The following DLGAP2 variants were observed in gnomAD, a reference collection of about 807,000 sequenced individuals.
DLGAP2 encodes the protein disks large-associated protein 2.
Under a neutral mutation model 100.3 loss-of-function variants are expected in DLGAP2, and 26 were observed. The observed-to-expected ratio is 0.26, with a 90% CI of 0.19 to 0.36. The LOEUF (loss-of-function observed/expected upper bound fraction) is 0.36, where lower values mean the gene tolerates loss of function less well. Among genes scored for constraint, DLGAP2 ranks in the 10% least tolerant of loss-of-function variants. The pLI is 1.00. For missense variants in DLGAP2, 1,858 were observed against 1,453.2 expected, an observed-to-expected ratio of 1.28 and a Z score of -4.53; for synonymous variants, 886 against 630.1, an observed-to-expected ratio of 1.41 and a Z score of -6.08.
intron 2 of DLGAP2, among the ~76,000 whole-genome samples, chr8:1,041,071 G>A (rs1269038220): frequency 6.6e-6 from 1 of 152,174 alleles, no homozygotes; most frequent in South Asian, 2.1e-4. Context: ...ACCAGAAATG[G>A]TGCAGACTGC....
chr8:997,841 T>A (rs1050111849), intron 2 of DLGAP2, among the ~76,000 whole-genome samples: 1 of 151,096 alleles, frequency 6.6e-6, no homozygotes, highest in African/African-American at 2.4e-5. Context: ...CGCATACACG[T>A]GTGCATACAT....
chr8:1,579,802 G>C (rs1292954160), intron 6 of DLGAP2, among the ~76,000 whole-genome samples: 1 of 152,202 alleles, frequency 6.6e-6, no homozygotes, highest in African/African-American at 2.4e-5. Flanking sequence ...GCGTGACACG[G>C]TACATTGCCT....
intron 3 of DLGAP2, among the ~76,000 whole-genome samples, chr8:1,358,185 T>C (rs970764251): frequency 4.6e-5 from 7 of 152,190 alleles, no homozygotes; most frequent in South Asian, 4.1e-4. Flanking sequence ...TGAAAAGTTA[T>C]TCAAAAGGAT....
intron 2 of DLGAP2, among the ~76,000 whole-genome samples, chr8:931,422 C>G (rs1010015066): frequency 4.6e-5 from 7 of 152,356 alleles, no homozygotes; most frequent in East Asian, 3.9e-4. Flanking sequence ...GGAACATGTT[C>G]TAGAAAAAGC....
At chr8:1,233,798 A>G (rs1272374213) in intron 2 of DLGAP2, among the ~76,000 whole-genome samples, 1 of 152,240 alleles carries the variant, frequency 6.6e-6, no homozygotes, top group African/African-American at 2.4e-5. Flanking sequence ...TTGAAAATAT[A>G]AAATGTACCT....
rs574914955 is a variant in DLGAP2, at chr8:1,646,142, G to C, written c.1810+13096G>C. ...GGTTAGCATTTGGAGGGGTGGACGA[G>C]GTGAAGCAGATGCTTTCCCCAGTGT... On this transcript the variant is annotated intron_variant, in intron 8 of 14. Coordinates refer to ENST00000637795, the MANE Select transcript of DLGAP2 (RefSeq NM_001346810.2). Among the ~76,000 whole-genome samples the C allele has an allele frequency of 7.3e-4, 111 of 152,232 alleles. 1 individual carries two copies. The highest frequency in any genetic ancestry group is 2.5e-3 in the African/African-American group (103 of 41,548).
Position 1,317,061 on chromosome 8 carries a change from A to C in DLGAP2, c.106+58178A>C, listed in dbSNP as rs865976201. Among the ~76,000 whole-genome samples the C allele has an allele frequency of 2.8e-3, 265 of 96,322 alleles. 5 individuals carry two copies. The highest frequency in any genetic ancestry group is 0.018 in the Middle Eastern group (2 of 112). The allele number at this position is 96,322 out of a possible 152,430, so 63.2% of individuals were successfully genotyped here. Reference sequence around the variant, plus strand: ...GCGTGTGCGAGTGCAGCGTCTCTCCAACAGTGGTCTACACTCGAGACACTC... The same window carrying C: ...GCGTGTGCGAGTGCAGCGTCTCTCCCACAGTGGTCTACACTCGAGACACTC... On this transcript the variant is annotated intron_variant, in intron 3 of 14. Coordinates refer to ENST00000637795, the MANE Select transcript of DLGAP2 (RefSeq NM_001346810.2).
At chr8:751,697 C>T (rs1011568102) in intron 1 of DLGAP2, among the ~76,000 whole-genome samples, 6 of 151,552 alleles carry the variant, frequency 4.0e-5, no homozygotes, top group African/African-American at 1.2e-4. Flanking sequence ...ATAGTAAGTC[C>T]TTATAGTAAG....
chr8:953,340 C>G (rs985382945), intron 2 of DLGAP2, among the ~76,000 whole-genome samples: 10 of 152,092 alleles, frequency 6.6e-5, no homozygotes, highest in African/African-American at 2.4e-4. Context: ...ATTACAGACA[C>G]TTGTCACCAC....
At chr8:1,039,302 A>C (rs901215239) in intron 2 of DLGAP2, among the ~76,000 whole-genome samples, 1 of 123,414 alleles carries the variant, frequency 8.1e-6, no homozygotes, top group African/African-American at 3.2e-5. Context: ...CTCGGTTTCC[A>C]TGGTCAGCTC....
At chr8:1,646,546 G>A (rs1798045002) in intron 8 of DLGAP2, among the ~76,000 whole-genome samples, 1 of 152,154 alleles carries the variant, frequency 6.6e-6, no homozygotes, top group South Asian at 2.1e-4. Context: ...TATTTAAAAT[G>A]ATCAGAGAAT....
At chr8:1,001,627 A>C (rs1398397357) in intron 2 of DLGAP2, among the ~76,000 whole-genome samples, 1 of 152,244 alleles carries the variant, frequency 6.6e-6, no homozygotes. Flanking sequence ...AATATTTTAG[A>C]ACTACATTTA....
At chr8:1,200,111 C>T (rs971194511) in intron 2 of DLGAP2, among the ~76,000 whole-genome samples, 38 of 152,050 alleles carry the variant, frequency 2.5e-4, no homozygotes, top group Admixed American at 3.9e-4. Flanking sequence ...GGGTCGGGGG[C>T]GTGGGGGCCG....
chr8:1,584,395 C>T (rs919624395), intron 6 of DLGAP2, among the ~76,000 whole-genome samples: 1 of 152,174 alleles, frequency 6.6e-6, no homozygotes, highest in East Asian at 1.9e-4. Context: ...TCGTGCATGC[C>T]ACACACCTGC....
chr8:1,324,193 A>G (rs570912535), intron 3 of DLGAP2, among the ~76,000 whole-genome samples: 4 of 152,294 alleles, frequency 2.6e-5, no homozygotes, highest in South Asian at 2.1e-4. Flanking sequence ...TTCAAACATG[A>G]TTCAGTCTTT....
intron 5 of DLGAP2, among the ~76,000 whole-genome samples, chr8:1,561,564 T>G (rs1802162057): frequency 6.6e-6 from 1 of 152,154 alleles, no homozygotes; most frequent in Non-Finnish European, 1.5e-5. Context: ...TCTTCTAGTG[T>G]GCGTGGTGCT....
chr8:946,269 G>T (rs1403783877), intron 2 of DLGAP2, among the ~76,000 whole-genome samples: 2 of 140,190 alleles, frequency 1.4e-5, no homozygotes, highest in Admixed American at 7.1e-5. Context: ...TGTTTCTTAG[G>T]TTTTTTTTTT....
intron 3 of DLGAP2, among the ~76,000 whole-genome samples, chr8:1,342,679 A>G (rs1170578925): frequency 6.6e-6 from 1 of 152,188 alleles, no homozygotes; most frequent in African/African-American, 2.4e-5. Flanking sequence ...CTCATCCCTA[A>G]CTTTATATTC....
chr8:954,729 A>C (rs1038739735), intron 2 of DLGAP2, among the ~76,000 whole-genome samples: 1 of 152,206 alleles, frequency 6.6e-6, no homozygotes. Flanking sequence ...GGGACTAATT[A>C]GTTGAAAATG....
Sources: gnomAD v4.1 joint callset for allele counts (sites outside exome capture counted in the v4.1 genomes callset) on GRCh38, gnomAD v4.1.1 for gene constraint, MANE v1.5 for transcripts, NCBI Gene and HGNC (gene_info 2026-07-23, HGNC 2026-07-21) for gene names.